The following ITGA1 variants were observed in gnomAD, a reference collection of about 807,000 sequenced individuals.
ITGA1 encodes integrin subunit alpha 1.
Under a neutral mutation model 145.9 loss-of-function variants are expected in ITGA1, and 85 were observed. The observed-to-expected ratio is 0.58, with a 90% CI of 0.49 to 0.70. The LOEUF is 0.70. ITGA1 is among the 30% of genes least tolerant of loss of function. The pLI is 0.00. For synonymous variants in ITGA1, 520 were observed against 495.3 expected (o/e 1.05, Z -0.66); for missense variants, 1,351 against 1,418.7 (o/e 0.95, Z 0.77).
At chr5:52,928,548 C>T (rs941953411) in intron 20 of ITGA1, among the ~76,000 whole-genome samples, 2 of 152,226 alleles carry the variant, frequency 1.3e-5, no homozygotes, top group Non-Finnish European at 1.5e-5. Flanking sequence ...CATTTTCACA[C>T]ACCACAAAGA....
At chr5:52,835,339 A>G (rs1219253547) in intron 1 of ITGA1, among the ~76,000 whole-genome samples, 1 of 152,190 alleles carries the variant, frequency 6.6e-6, no homozygotes, top group South Asian at 2.1e-4. Context: ...ATAAAGCGAT[A>G]CATCCTATGG....
chr5:52,895,573 C>T (rs1270944640), intron 9 of ITGA1, among the ~76,000 whole-genome samples: 2 of 152,112 alleles, frequency 1.3e-5, no homozygotes, highest in African/African-American at 4.8e-5. Context: ...AATACAGTGT[C>T]ATTTCTAAAT....
At chr5:52,838,151 G>T (rs976956899) in intron 1 of ITGA1, among the ~76,000 whole-genome samples, 3 of 152,164 alleles carry the variant, frequency 2.0e-5, no homozygotes, top group Non-Finnish European at 4.4e-5. Context: ...GGAAATATTT[G>T]GTAGTGAATG....
chr5:52,908,417 G>T (rs1348892749), intron 12 of ITGA1, among the ~76,000 whole-genome samples: 3 of 152,150 alleles, frequency 2.0e-5, no homozygotes, highest in African/African-American at 7.2e-5. Context: ...GCTGGGATAA[G>T]GCTTAACCAT....
rs111308340 is a variant in ITGA1, at chr5:52,923,426, G to GA, written c.2403+550dup. ...AGCTTACCTACAGATAAATAGACTA[G>GA]AAAAAAAAAAACTGTTTAAGAAAAA... On this transcript the variant is annotated intron_variant, in intron 18 of 28. Coordinates refer to ENST00000282588, the MANE Select transcript of ITGA1 (RefSeq NM_181501.2). 2.3e-3 allele frequency among the ~76,000 whole-genome samples: 323 copies of GA among 143,492 alleles called. 3 individuals are homozygous for GA. Among genetic ancestry groups the GA allele is most frequent in the Middle Eastern group, 0.018 (5 of 278 alleles). 94.1% of individuals were successfully genotyped at this position (143,492 alleles called of 152,430 possible).
chr5:52,870,388 T>C (rs1749759836), intron 6 of ITGA1, among the ~76,000 whole-genome samples: 1 of 152,184 alleles, frequency 6.6e-6, no homozygotes, highest in Non-Finnish European at 1.5e-5. Flanking sequence ...AGCTAAGAGC[T>C]GGACAGAGAA....
At chr5:52,801,265 T>A in intron 1 of ITGA1, 2 of 1,136,878 alleles carry the variant, frequency 1.8e-6, no homozygotes, top group Non-Finnish European at 2.5e-6. Context: ...AAAAAGAGAA[T>A]GTTAAATGTC....
intron 19 of ITGA1, 39 bp from the exon 20 acceptor site, chr5:52,927,545 T>A (rs747444415): frequency 7.1e-7 from 1 of 1,412,738 alleles, no homozygotes; most frequent in Admixed American, 1.8e-5. Context: ...ATATTTCACC[T>A]GCTTGTCCAC....
At chr5:52,800,866 C>T in intron 1 of ITGA1, 2 of 1,611,038 alleles carry the variant, frequency 1.2e-6, no homozygotes, top group Non-Finnish European at 8.5e-7. Flanking sequence ...CAGCATGACC[C>T]TCACTCGGGC....
At position 52,796,334 on chromosome 5, in the gene ITGA1, T is replaced by C. The variant is rs535372829; in HGVS notation, c.61+7920T>C. 5.9e-5 allele frequency among the ~76,000 whole-genome samples: 9 copies of C among 151,916 alleles called. No individual in the cohort carries two copies. In the East Asian group the frequency reaches 1.7e-3, roughly 29 times the overall value. On this transcript the variant is annotated intron_variant, in intron 1 of 28. Transcript: ENST00000282588. Reference sequence around the variant, plus strand: ...ATACTTTTTTCCCCTTCTGGAGAGATTAATATAAATAAGACATTGTAGGGA... The same window carrying C: ...ATACTTTTTTCCCCTTCTGGAGAGACTAATATAAATAAGACATTGTAGGGA...
intron 7 of ITGA1, among the ~76,000 whole-genome samples, chr5:52,887,480 G>A (rs1254291808): frequency 6.6e-6 from 1 of 152,172 alleles, no homozygotes; most frequent in South Asian, 2.1e-4. Context: ...GGAGCACCTG[G>A]GGGAGTGTTT....
chr5:52,939,753 T>G, intron 25 of ITGA1, 62 bp downstream of exon 25: 1 of 1,446,094 alleles, frequency 6.9e-7, no homozygotes, highest in South Asian at 1.2e-5. Context: ...TTGATATCAA[T>G]CTAGAAATAA....
At chr5:52,887,378 C>T (rs1247756935) in intron 7 of ITGA1, among the ~76,000 whole-genome samples, 1 of 152,120 alleles carries the variant, frequency 6.6e-6, no homozygotes, top group Non-Finnish European at 1.5e-5. Context: ...GTCAGAGTAG[C>T]TGTGGGGGAA....
intron 28 of ITGA1, 22 bp from the exon 29 acceptor site, chr5:52,952,385 A>G: frequency 3.7e-6 from 5 of 1,351,784 alleles, no homozygotes; most frequent in Non-Finnish European, 5.1e-6. Context: ...TAATTGTGTT[A>G]TGTTTTGTGT....
Position 52,925,286 on chromosome 5 carries a change from T to C in ITGA1, c.2412T>C (p.Phe804=). 6.2e-7 allele frequency: 1 copy of C among 1,613,618 alleles called. No individual in the cohort carries two copies. Among genetic ancestry groups the C allele is most frequent in the Non-Finnish European group, 8.5e-7 (1 of 1,179,542 alleles). Residue 804 remains phenylalanine (F), a synonymous_variant, in exon 19 of 29, where the codon TTT becomes TTC. Coordinates refer to ENST00000282588, the MANE Select transcript of ITGA1 (RefSeq NM_181501.2). ...TCCTGTCATCATTTCAGATTCCCTT[T>C]GCCAAAGATTGTGGAAATAAGGAAA... The part of the protein sequence containing the change: ...LPNSVHEYIP[F]AKDCGNKEKC...
chr5:52,862,089 A>T (rs1279983906), intron 3 of ITGA1, among the ~76,000 whole-genome samples: 1 of 151,702 alleles, frequency 6.6e-6, no homozygotes, highest in Non-Finnish European at 1.5e-5. Context: ...ATAGTGGTAC[A>T]TGCCTGTAAT....
At chr5:52,899,043 C>T (rs563422243) in intron 11 of ITGA1, among the ~76,000 whole-genome samples, 1 of 152,254 alleles carries the variant, frequency 6.6e-6, no homozygotes, top group East Asian at 1.9e-4. Context: ...AAAAGATATT[C>T]ACCAACAGTT....
intron 21 of ITGA1, among the ~76,000 whole-genome samples, chr5:52,930,351 GATTA>G (rs1408304928): frequency 6.6e-6 from 1 of 151,992 alleles, no homozygotes. Flanking sequence ...TGAATTAATG[GATTA>G]ATTAATTCTG....
intron 28 of ITGA1, among the ~76,000 whole-genome samples, chr5:52,950,161 C>T (rs1431650592): frequency 2.0e-5 from 3 of 152,130 alleles, no homozygotes; most frequent in Non-Finnish European, 4.4e-5. Context: ...GGTGGAGAAA[C>T]TTGTCCTGAA....
Sources: gnomAD v4.1 joint callset for allele counts (sites outside exome capture counted in the v4.1 genomes callset) on GRCh38, gnomAD v4.1.1 for gene constraint, MANE v1.5 for transcripts, NCBI Gene and HGNC (gene_info 2026-07-23, HGNC 2026-07-21) for gene names.